The following PTDSS1 variants were observed in gnomAD, a reference collection of about 807,000 sequenced individuals.
PTDSS1 encodes PSS-1.
A neutral mutation model predicts 70.5 loss-of-function variants in PTDSS1; 45 were observed. The ratio of observed to expected loss-of-function variants is 0.64; its 90% CI spans 0.50 to 0.82. The LOEUF is 0.82. Ranked by LOEUF, PTDSS1 falls within the 40% of genes least tolerant of loss-of-function variation. The probability of loss-of-function intolerance (pLI) is 0.00; values close to 1 mark genes in which losing one functional copy is unlikely to be tolerated. For synonymous variants in PTDSS1, 188 were observed against 203.8 expected, an observed-to-expected ratio of 0.92 and a Z score of 0.66; for missense variants, 417 against 586.1, an observed-to-expected ratio of 0.71 and a Z score of 2.98.
rs1240153836 is a variant in PTDSS1 at position 96,262,188 on chromosome 8, A to G, written c.148A>G (p.Ile50Val). The change falls in exon 1 of 13, where the codon ATC (isoleucine) becomes GTC (valine). Residue 50 changes from isoleucine (I) to valine (V), a missense_variant. Around this residue, in one of 3 missense-constraint regions of PTDSS1, gnomAD observed 272 missense variants for 429.5 expected, o/e 0.63. Coordinates refer to ENST00000517309, the MANE Select transcript of PTDSS1 (RefSeq NM_014754.3). The surrounding 1 kb of genome is among the most constrained non-coding windows in gnomAD (Gnocchi z 4.4). ...PHTITLLSFT[I>V]VSLMYFAFTR... Reference sequence around the variant, plus strand: ...TACCATCACCCTGCTCAGCTTCACCATCGTCAGCCTCATGTACTTCGCCTT... The same window carrying G: ...TACCATCACCCTGCTCAGCTTCACCGTCGTCAGCCTCATGTACTTCGCCTT... 1.2e-6 allele frequency: 2 copies of G among 1,612,178 alleles called. No homozygotes were observed. The highest frequency in any genetic ancestry group is 1.3e-5 in the African/African-American group (1 of 74,646).
intron 9 of PTDSS1, among the ~76,000 whole-genome samples, chr8:96,317,304 C>T (rs906363196): frequency 2.0e-5 from 3 of 151,976 alleles, no homozygotes; most frequent in Admixed American, 6.6e-5. Flanking sequence ...ATCCCATAGC[C>T]GGCCCCCTCA....
rs80095519 is a variant in PTDSS1 at position 96,318,421 on chromosome 8, C to T, written c.1074-1825C>T. Among the ~76,000 whole-genome samples the T allele has an allele frequency of 2.4e-3, 364 of 152,250 alleles. 11 individuals carry two copies. In the East Asian group the frequency reaches 0.062, roughly 26 times the overall value. On this transcript the variant is annotated intron_variant, in intron 9 of 12. Transcript: ENST00000517309. The stretch of plus-strand genomic sequence containing the variant: ...TGTCCGGCTTATGGGTAGATAATCA[C>T]ACTTATGTCCTGGGCTCAACACTCC...
rs535119152 is a variant in PTDSS1, at chr8:96,276,971, C to A, written c.271+3581C>A. On this transcript the variant is annotated intron_variant, in intron 2 of 12. Transcript: ENST00000517309. ...CTCCTCCCGGGCACATACACGCGCG[C>A]ACGCGCGCGCACACACACACACACA... Among the ~76,000 whole-genome samples the A allele has an allele frequency of 3.3e-3, 297 of 89,258 alleles. 1 individual carries two copies. Among genetic ancestry groups the A allele is most frequent in the Non-Finnish European group, 1.9e-3 (91 of 47,280 alleles). 58.6% of individuals were successfully genotyped at this position (89,258 alleles called of 152,430 possible).
At chr8:96,306,164 A>G (rs2130114446) in intron 7 of PTDSS1, among the ~76,000 whole-genome samples, 1 of 152,272 alleles carries the variant, frequency 6.6e-6, no homozygotes, top group Admixed American at 6.5e-5. Flanking sequence ...CTGAGTAACA[A>G]TCATACAAAC....
At chr8:96,270,024 T>A (rs1810542823) in intron 1 of PTDSS1, among the ~76,000 whole-genome samples, 1 of 152,200 alleles carries the variant, frequency 6.6e-6, no homozygotes, top group African/African-American at 2.4e-5. Flanking sequence ...ATTACCATCC[T>A]CTGTTTACTG....
chr8:96,330,154 C>A, intron 10 of PTDSS1, 59 bp from the exon 11 acceptor site: 2 of 1,485,988 alleles, frequency 1.3e-6, no homozygotes, highest in South Asian at 2.3e-5. Flanking sequence ...CCCACTGAAA[C>A]CCTGAAGTTC....
chr8:96,329,307 T>C (rs1369397636), intron 10 of PTDSS1, among the ~76,000 whole-genome samples: 1 of 151,192 alleles, frequency 6.6e-6, no homozygotes, highest in African/African-American at 2.4e-5. Context: ...GTTGCCTTGT[T>C]TTGTTCTGGT....
intron 2 of PTDSS1, chr8:96,283,804 C>A (rs1043401282): frequency 8.3e-5 from 26 of 313,912 alleles, no homozygotes; most frequent in African/African-American, 5.5e-4. Flanking sequence ...AGCCTGATGA[C>A]CCACTCACTA....
rs970054041 is a variant in PTDSS1 at position 96,335,599 on chromosome 8, ATT to A, written c.*2038_*2039del. ...TGAAGAGCAGGGTGCACAGGAGATG[ATT>A]TTTTCTCCATGGCTTTGTAAGAAAC... On this transcript the variant is annotated 3_prime_UTR_variant, in exon 13 of 13. Transcript: ENST00000517309. The A allele has an allele frequency of 6.6e-6, 1 of 152,172 alleles. No homozygotes were observed. Among genetic ancestry groups the A allele is most frequent in the African/African-American group, 2.4e-5 (1 of 41,434 alleles). The allele number at this position is 152,172 out of a possible 1,614,324, so 9.4% of individuals were successfully genotyped here.
In PTDSS1 at chr8:96,333,611, G is replaced by A; in HGVS notation, c.*45G>A. ...GATGTTCCAGAGTGCCTAGAACTGA[G>A]AGGGAAATGGAACTCATTTGGAACT... On this transcript the variant is annotated 3_prime_UTR_variant, in exon 13 of 13. Transcript: ENST00000517309. The A allele has an allele frequency of 6.5e-7, 1 of 1,547,966 alleles. No homozygotes were observed. Among genetic ancestry groups the A allele is most frequent in the South Asian group, 1.1e-5 (1 of 89,716 alleles).
chr8:96,335,179 T>G lies in PTDSS1; in HGVS notation c.*1613T>G, dbSNP rs1332770944. 4 of 152,226 alleles carry G rather than the reference T, an allele frequency of 2.6e-5. No homozygotes were observed. The highest frequency in any genetic ancestry group is 5.9e-5 in the Non-Finnish European group (4 of 68,040). The allele number at this position is 152,226 out of a possible 1,614,324, so 9.4% of individuals were successfully genotyped here. On this transcript the variant is annotated 3_prime_UTR_variant, in exon 13 of 13. Coordinates refer to ENST00000517309, the MANE Select transcript of PTDSS1 (RefSeq NM_014754.3). ...TGTCCTCCAGCCAGCATCTGCCTGC[T>G]TCCCACAAAAGGATAGAAGAGAGGC...
intron 11 of PTDSS1, chr8:96,330,818 T>C: frequency 3.6e-6 from 2 of 549,682 alleles, no homozygotes; most frequent in East Asian, 3.0e-5. Flanking sequence ...ACTTAAGGCA[T>C]GTTGTGGAAG....
chr8:96,279,081 G>A (rs985845065), intron 2 of PTDSS1, among the ~76,000 whole-genome samples: 2 of 145,508 alleles, frequency 1.4e-5, no homozygotes, highest in African/African-American at 5.1e-5. Context: ...AGCGATTCTT[G>A]TGCCTCAGCC....
intron 9 of PTDSS1, among the ~76,000 whole-genome samples, chr8:96,315,073 A>C (rs1811267054): frequency 1.3e-5 from 2 of 152,184 alleles, no homozygotes; most frequent in Non-Finnish European, 2.9e-5. Flanking sequence ...ACAGGAGCAC[A>C]ATAGGAATTG....
Position 96,333,880 on chromosome 8 carries a change from C to T in PTDSS1, c.*314C>T, listed in dbSNP as rs1005328100. 7 of 622,696 alleles carry T rather than the reference C, an allele frequency of 1.1e-5. No homozygotes were observed. Among genetic ancestry groups the T allele is most frequent in the African/African-American group, 3.7e-5 (2 of 54,680 alleles). 38.6% of individuals were successfully genotyped at this position (622,696 alleles called of 1,614,324 possible). ...TCATTCACAGTTGCCAAGAGCAGCT[C>T]CGCGCCTGCTGGATCGTGGATGCAG... On this transcript the variant is annotated 3_prime_UTR_variant, in exon 13 of 13. Transcript: ENST00000517309.
In PTDSS1 at chr8:96,333,929, G is replaced by T; in HGVS notation, c.*363G>T. On this transcript the variant is annotated 3_prime_UTR_variant, in exon 13 of 13. Coordinates refer to ENST00000517309, the MANE Select transcript of PTDSS1 (RefSeq NM_014754.3). ...AGCGTAAACATCTTCCTTCAGACGAGGCATTAACCCCATGGTTAATGGACT... is the reference window on the plus strand; with the variant it reads ...AGCGTAAACATCTTCCTTCAGACGATGCATTAACCCCATGGTTAATGGACT... 1 of 578,602 alleles carries T rather than the reference G, an allele frequency of 1.7e-6. No individual in the cohort carries two copies. The highest frequency in any genetic ancestry group is 2.8e-5 in the East Asian group (1 of 35,440). The allele number at this position is 578,602 out of a possible 1,614,324, so 35.8% of individuals were successfully genotyped here.
rs1430832956 is a variant in PTDSS1 at position 96,335,088 on chromosome 8, G to A, written c.*1522G>A. 6.6e-6 allele frequency: 1 copy of A among 152,146 alleles called. No individual in the cohort carries two copies. Among genetic ancestry groups the A allele is most frequent in the Non-Finnish European group, 1.5e-5 (1 of 68,034 alleles). 9.4% of individuals were successfully genotyped at this position (152,146 alleles called of 1,614,324 possible). A position where few individuals can be genotyped will look rare whatever the true frequency, so the allele number is the denominator to read the frequency against. ...TCTGCGGGAGTGGAGAAGCGTCAGT[G>A]GCAGCTCCGCTCACTTGGTGAGTGA... On this transcript the variant is annotated 3_prime_UTR_variant, in exon 13 of 13. Coordinates refer to ENST00000517309, the MANE Select transcript of PTDSS1 (RefSeq NM_014754.3).
At chr8:96,301,132 TTTTG>T (rs1188102343) in intron 6 of PTDSS1, among the ~76,000 whole-genome samples, 2 of 152,192 alleles carry the variant, frequency 1.3e-5, no homozygotes, top group East Asian at 3.9e-4. Flanking sequence ...CCCCCTTTTT[TTTTG>T]TTTGTTTTAT....
At chr8:96,275,684 T>A (rs1810631104) in intron 2 of PTDSS1, among the ~76,000 whole-genome samples, 1 of 152,154 alleles carries the variant, frequency 6.6e-6, no homozygotes, top group South Asian at 2.1e-4. Context: ...AATGGCAAAC[T>A]CTATCTCAGG....
Sources: allele counts gnomAD v4.1 joint callset (sites outside exome capture counted in the v4.1 genomes callset), GRCh38; gene constraint gnomAD v4.1.1; regional missense constraint gnomAD v4.1.1; non-coding constraint Gnocchi (gnomAD v3.1); transcripts MANE v1.5; gene names NCBI Gene and HGNC (gene_info 2026-07-23, HGNC 2026-07-21).